The following TMEM45A variants were observed in gnomAD, a reference collection of about 807,000 sequenced individuals.
The protein encoded by TMEM45A is DNA polymerase-transactivated protein 4.
TMEM45A carries 25 observed loss-of-function variants against 32.0 expected under a neutral mutation model. The ratio of observed to expected loss-of-function variants is 0.78; its 90% confidence interval spans 0.57 to 1.09. TMEM45A has a LOEUF of 1.09. Ranked by LOEUF, TMEM45A falls within the 50% of genes least tolerant of loss-of-function variation. The probability of loss-of-function intolerance (pLI) is 0.00; values close to 1 mark genes in which losing one functional copy is unlikely to be tolerated. For synonymous variants in TMEM45A, 122 were observed against 114.8 expected (o/e 1.06, Z -0.40); for missense variants, 302 against 325.0 (o/e 0.93, Z 0.54).
At chr3:100,522,436 A>G (rs1198166646) in intron 1 of TMEM45A, among the ~76,000 whole-genome samples, 1 of 152,210 alleles carries the variant, frequency 6.6e-6, no homozygotes, top group East Asian at 1.9e-4. Context: ...TCACAGAAAC[A>G]TCCACGCAAA....
intron 1 of TMEM45A, among the ~76,000 whole-genome samples, chr3:100,524,138 C>T (rs889421249): frequency 6.6e-6 from 1 of 152,224 alleles, no homozygotes; most frequent in African/African-American, 2.4e-5. Flanking sequence ...ATCTAGATGG[C>T]AAGCTGGCTT....
chr3:100,572,188 A>G (rs1429899617), intron 5 of TMEM45A: 1 of 152,166 alleles, frequency 6.6e-6, no homozygotes. Context: ...GACTTCCACA[A>G]TGGTTGAACT....
rs776101528 is a variant in TMEM45A at position 100,576,810 on chromosome 3, G to T, written c.735-115G>T. ...CAAATAAAAGTAATTTTCCTTTTTGGGTTGCCTTCCCCAGTTGCCCAAATA... is the reference window on the plus strand; with the variant it reads ...CAAATAAAAGTAATTTTCCTTTTTGTGTTGCCTTCCCCAGTTGCCCAAATA... On this transcript the variant is annotated intron_variant, in intron 5 of 5. Coordinates refer to ENST00000323523, the MANE Select transcript of TMEM45A (RefSeq NM_018004.3). The T allele has an allele frequency of 8.3e-5, 68 of 820,656 alleles. No homozygotes were observed. In the Middle Eastern group the frequency reaches 2.0e-3, roughly 25 times the overall value. 50.8% of individuals were successfully genotyped at this position (820,656 alleles called of 1,614,324 possible). A position where few individuals can be genotyped will look rare whatever the true frequency, so the allele number is the denominator to read the frequency against.
At chr3:100,507,769 G>C (rs144212979) in intron 1 of TMEM45A, among the ~76,000 whole-genome samples, 1 of 152,120 alleles carries the variant, frequency 6.6e-6, no homozygotes, top group Non-Finnish European at 1.5e-5. Context: ...GATAGAGTAA[G>C]TTTATACTTT....
intron 5 of TMEM45A, chr3:100,572,821 C>T (rs1210850553): frequency 6.7e-6 from 1 of 149,580 alleles, no homozygotes; most frequent in Non-Finnish European, 1.5e-5. Context: ...CTACATATGG[C>T]TAGCCAGTTT....
At chr3:100,576,189 G>A (rs1439459561) in intron 5 of TMEM45A, among the ~76,000 whole-genome samples, 6 of 152,192 alleles carry the variant, frequency 3.9e-5, no homozygotes, top group South Asian at 2.1e-4. Flanking sequence ...AGTGGCTCAC[G>A]CCTGTAATCC....
rs1706458745 is a variant in TMEM45A at position 100,567,181 on chromosome 3, A to G, written c.589-1641A>G. ...ATATATATAATTTTATACATGAGTT[A>G]ATTTTATATATGAGGTAGGGGTCCA... is the stretch of plus-strand genomic sequence containing the variant. On this transcript the variant is annotated intron_variant, in intron 4 of 5. Transcript: ENST00000323523. Among the ~76,000 whole-genome samples the G allele has an allele frequency of 2.0e-5, 3 of 151,876 alleles. No homozygotes were observed. The South Asian group carries it at 6.2e-4, about 32-fold the overall frequency.
chr3:100,543,242 C>T (rs1174279822), intron 1 of TMEM45A, among the ~76,000 whole-genome samples: 1 of 151,732 alleles, frequency 6.6e-6, no homozygotes. Flanking sequence ...ATTATTTATT[C>T]ATTTCTCTAT....
intron 5 of TMEM45A, chr3:100,573,716 C>G (rs1359623458): frequency 1.3e-5 from 2 of 152,148 alleles, no homozygotes; most frequent in African/African-American, 4.8e-5. Flanking sequence ...TTTGCCCATT[C>G]AGTATGATAT....
At chr3:100,530,489 T>G (rs562708903) in intron 1 of TMEM45A, among the ~76,000 whole-genome samples, 1 of 152,200 alleles carries the variant, frequency 6.6e-6, no homozygotes, top group Non-Finnish European at 1.5e-5. Flanking sequence ...GTCTACTGAT[T>G]TAAATGTTAA....
At chr3:100,572,791 A>G (rs1166766309) in intron 5 of TMEM45A, 1 of 150,166 alleles carries the variant, frequency 6.7e-6, no homozygotes, top group African/African-American at 2.4e-5. Context: ...GGTGTAAGGA[A>G]GGGATCCAGT....
intron 5 of TMEM45A, chr3:100,573,284 T>C (rs920143137): frequency 6.6e-6 from 1 of 151,620 alleles, no homozygotes; most frequent in Non-Finnish European, 1.5e-5. Flanking sequence ...CCTTGAGCAG[T>C]GGTTTGTAGT....
chr3:100,501,988 G>A (rs1295570578), intron 1 of TMEM45A, among the ~76,000 whole-genome samples: 7 of 152,022 alleles, frequency 4.6e-5, no homozygotes, highest in Admixed American at 3.3e-4. Flanking sequence ...GAAATTTAAG[G>A]AATTTCTGAA....
chr3:100,523,327 A>G (rs148260897), intron 1 of TMEM45A, among the ~76,000 whole-genome samples: 180 of 152,330 alleles, frequency 1.2e-3, no homozygotes, highest in African/African-American at 4.3e-3. Context: ...GTGTGGTACC[A>G]GGTGGTGGTT....
rs756879739 is a variant in TMEM45A at position 100,510,742 on chromosome 3, G to A, written c.-4+17814G>A. Among the ~76,000 whole-genome samples, 797 of 152,222 alleles carry A rather than the reference G, an allele frequency of 5.2e-3. 2 individuals are homozygous for A. The highest frequency in any genetic ancestry group is 5.6e-3 in the Non-Finnish European group (379 of 67,968). ...AACTTTGAAAAAAATTTAGAAGAAT[G>A]TATAACTAGAATAACCAATACAGAG... is the stretch of plus-strand genomic sequence containing the variant. On this transcript the variant is annotated intron_variant, in intron 1 of 5. Transcript: ENST00000323523.
chr3:100,522,149 C>A (rs1705448133), intron 1 of TMEM45A, among the ~76,000 whole-genome samples: 1 of 152,146 alleles, frequency 6.6e-6, no homozygotes, highest in Non-Finnish European at 1.5e-5. Context: ...CTTCCCCACC[C>A]CTCCTTGGTT....
chr3:100,531,103 A>G (rs1705637902), intron 1 of TMEM45A, among the ~76,000 whole-genome samples: 1 of 152,144 alleles, frequency 6.6e-6, no homozygotes, highest in African/African-American at 2.4e-5. Context: ...TTAATTTATT[A>G]GGGTATGTAA....
chr3:100,495,843 A>G (rs917031742), intron 1 of TMEM45A, among the ~76,000 whole-genome samples: 5 of 152,054 alleles, frequency 3.3e-5, no homozygotes, highest in African/African-American at 9.7e-5. Context: ...ATGCCCTAAA[A>G]TCTTTGACAT....
chr3:100,549,075 C>G (rs999513074), intron 1 of TMEM45A, among the ~76,000 whole-genome samples: 1 of 151,986 alleles, frequency 6.6e-6, no homozygotes. Context: ...TGGTAAAACC[C>G]CATGTCTACT....
Sources: gnomAD v4.1 joint callset for allele counts (sites outside exome capture counted in the v4.1 genomes callset) on GRCh38, gnomAD v4.1.1 for gene constraint, MANE v1.5 for transcripts, NCBI Gene and HGNC (gene_info 2026-07-23, HGNC 2026-07-21) for gene names.